Variants in PKN3 observed in about 807,000 individuals in gnomAD.
PKN3 encodes the protein serine/threonine-protein kinase N3.
Under a neutral mutation model 113.1 loss-of-function variants are expected in PKN3, and 91 were observed. The observed-to-expected ratio is 0.80, with a 90% confidence interval of 0.68 to 0.96. PKN3 has a LOEUF of 0.96. Ranked by LOEUF, PKN3 falls within the 40% of genes least tolerant of loss-of-function variation. The probability of loss-of-function intolerance (pLI) is 0.00; values close to 1 mark genes in which losing one functional copy is unlikely to be tolerated. For synonymous variants in PKN3, 467 were observed against 499.0 expected, an observed-to-expected ratio of 0.94 and a Z score of 0.85; for missense variants, 1,052 against 1,202.2, an observed-to-expected ratio of 0.88 and a Z score of 1.85.
Position 128,705,477 on chromosome 9 carries a change from C to T in PKN3, c.199C>T (p.Leu67=), listed in dbSNP as rs1290836077. ...LRSSNRRLEQ[L]HGELRELHAR... is the part of the protein sequence containing the mutation. ...GTCCTCCAACCGCCGCCTGGAGCAG[C>T]TGCATGGCGAGCTGCGGGAGCTGCA... is the stretch of plus-strand genomic sequence containing the variant. The change falls in exon 2 of 22, where the codon CTG becomes TTG. Residue 67 remains leucine (L), a synonymous_variant. Coordinates refer to ENST00000291906, the MANE Select transcript of PKN3 (RefSeq NM_013355.5). The T allele has an allele frequency of 1.9e-6, 3 of 1,566,222 alleles. No homozygotes were observed. The highest frequency in any genetic ancestry group is 2.4e-5 in the East Asian group (1 of 41,846).
Position 128,720,473 on chromosome 9 carries a change from G to A in PKN3, c.2537G>A (p.Arg846His), listed in dbSNP as rs1396634738. ...ACCCTGTGTGGCCCTGCGGACCTGCGCTACTTTGAGGGCGAGTTCACAGGG... is the reference window on the plus strand; with the variant it reads ...ACCCTGTGTGGCCCTGCGGACCTGCACTACTTTGAGGGCGAGTTCACAGGG... ...VPTLCGPADL[R>H]YFEGEFTGLP... Residue 846 changes from arginine (R) to histidine (H), a missense_variant, in exon 22 of 22, where the codon CGC becomes CAC. Coordinates refer to ENST00000291906, the MANE Select transcript of PKN3 (RefSeq NM_013355.5). The surrounding 1 kb of genome is among the most constrained non-coding windows in gnomAD (Gnocchi z 5.5). 12 of 1,612,894 alleles carry A rather than the reference G, an allele frequency of 7.4e-6. 1 individual carries two copies. Among genetic ancestry groups the A allele is most frequent in the East Asian group, 2.2e-5 (1 of 44,876 alleles).
In PKN3 at chr9:128,706,807, G is replaced by C. The variant is rs772607204; in HGVS notation, c.506G>C (p.Ser169Thr). ...ATGAAGATCAGCAGCCTGGAGGCCAGTGGGTCCCCGGAGCCAGGTGAGGCC... is the reference window on the plus strand; with the variant it reads ...ATGAAGATCAGCAGCCTGGAGGCCACTGGGTCCCCGGAGCCAGGTGAGGCC... ...LRMKISSLEA[S>T]GSPEPGPELL... Residue 169 changes from serine to threonine, a missense_variant, in exon 4 of 22, where the codon AGT becomes ACT. By Grantham distance (58) the Ser-to-Thr change is moderately conservative (BLOSUM62 1). Around this residue, in one of 2 missense-constraint regions of PKN3, gnomAD observed 719 missense variants for 759.4 expected, o/e 0.95. Coordinates refer to ENST00000291906, the MANE Select transcript of PKN3 (RefSeq NM_013355.5). 1.9e-6 allele frequency: 3 copies of C among 1,610,716 alleles called. 1 individual carries two copies. The South Asian group carries it at 3.3e-5, about 18-fold the overall frequency.
chr9:128,712,905 C>T (rs1426206002), intron 6 of PKN3, 147 bp from the exon 7 acceptor site: 2 of 782,326 alleles, frequency 2.6e-6, no homozygotes, highest in South Asian at 1.7e-5. Context: ...AGTGAGGTTC[C>T]TCAGGTAACT....
intron 9 of PKN3, 71 bp downstream of exon 9, chr9:128,713,713 G>C: frequency 6.8e-7 from 1 of 1,461,722 alleles, no homozygotes; most frequent in Non-Finnish European, 9.5e-7. Flanking sequence ...CTTCAAGACC[G>C]ATGCACTGCG....
chr9:128,718,678 C>G, intron 18 of PKN3, 53 bp downstream of exon 18: 1 of 1,516,580 alleles, frequency 6.6e-7, no homozygotes, highest in Non-Finnish European at 9.2e-7. Flanking sequence ...CCCACCCTGG[C>G]CAATAGGATG....
At chr9:128,706,413 G>A (rs899054059) in intron 3 of PKN3, among the ~76,000 whole-genome samples, 1 of 151,230 alleles carries the variant, frequency 6.6e-6, no homozygotes, top group African/African-American at 2.4e-5. Flanking sequence ...TGATGGGGGA[G>A]AGTTAGCCCC....
intron 16 of PKN3, 73 bp downstream of exon 16, chr9:128,716,996 T>A: frequency 7.7e-7 from 1 of 1,303,930 alleles, no homozygotes; most frequent in Non-Finnish European, 1.1e-6. Context: ...CTCTACATAC[T>A]GCTTTCTCCA....
At position 128,703,351 on chromosome 9, in the gene PKN3, G is replaced by A. The variant is rs796710931; in HGVS notation, c.24+412G>A. The A allele has an allele frequency of 7.1e-6, 7 of 984,894 alleles. No individual in the cohort carries two copies. In the South Asian group the frequency reaches 2.4e-4, roughly 33 times the overall value. 61.0% of individuals were successfully genotyped at this position (984,894 alleles called of 1,614,324 possible). On this transcript the variant is annotated intron_variant, in intron 1 of 21. Transcript: ENST00000291906. ...GGGGGGTTAGAATGTGCGCGCAGCG[G>A]GGGGCGCAGTCTGTGCGCGCTTGGC...
rs537996467 is a variant in PKN3 at position 128,713,108 on chromosome 9, C to T, written c.892C>T (p.Arg298Cys). ...CEQLLTAVPGRSPAAALASSP... is the reference protein window; with the variant it reads ...CEQLLTAVPGCSPAAALASSP... ...ACAGTTGCTGACAGCCGTGCCTGGGCGCTCCCCAGCGGCCGCACTGGCCAG... is the reference window on the plus strand; with the variant it reads ...ACAGTTGCTGACAGCCGTGCCTGGGTGCTCCCCAGCGGCCGCACTGGCCAG... The change falls in exon 7 of 22, where the codon CGC becomes TGC. Residue 298 changes from arginine to cysteine, a missense_variant. Transcript: ENST00000291906. 4.0e-5 allele frequency: 65 copies of T among 1,611,952 alleles called. 1 individual carries two copies. Among genetic ancestry groups the T allele is most frequent in the South Asian group, 3.8e-4 (35 of 90,962 alleles).
chr9:128,706,644 A>C (rs748519463), intron 3 of PKN3, 69 bp from the exon 4 acceptor site: 67 of 1,182,424 alleles, frequency 5.7e-5, no homozygotes, highest in Non-Finnish European at 7.5e-5. Flanking sequence ...ACCCGGCTCC[A>C]GTTCCTGGTC....
At chr9:128,718,123 C>T (rs1862399793) in intron 16 of PKN3, among the ~76,000 whole-genome samples, 1 of 152,018 alleles carries the variant, frequency 6.6e-6, no homozygotes, top group East Asian at 1.9e-4. Flanking sequence ...GAAGGGTGAG[C>T]TGGAAATGCA....
rs1238483359 is a variant in PKN3 at position 128,715,483 on chromosome 9, A to T, written c.1808+23A>T. ...GAGGTGTGTGGGGGTGCCGCAGGGCACCCAGGATGGCTGGCCTGGGCTGTG... is the reference window on the plus strand; with the variant it reads ...GAGGTGTGTGGGGGTGCCGCAGGGCTCCCAGGATGGCTGGCCTGGGCTGTG... On this transcript the variant is annotated intron_variant, in intron 15 of 21. Coordinates refer to ENST00000291906, the MANE Select transcript of PKN3 (RefSeq NM_013355.5). The surrounding 1 kb of genome is among the most constrained non-coding windows in gnomAD (Gnocchi z 4.1). The T allele has an allele frequency of 6.3e-7, 1 of 1,588,522 alleles. No homozygotes were observed. The highest frequency in any genetic ancestry group is 8.6e-7 in the Non-Finnish European group (1 of 1,157,562).
rs1862045942 is a variant in PKN3 at position 128,707,209 on chromosome 9, G to T, written c.652-13G>T. 1 of 1,597,108 alleles carries T rather than the reference G, an allele frequency of 6.3e-7. No individual in the cohort carries two copies. Among genetic ancestry groups the T allele is most frequent in the East Asian group, 2.2e-5 (1 of 44,482 alleles). ...TACCCCACGAACCTGGCTCTACGTT[G>T]TCCCCTCTGCAGGCCCAGGCCCAGC... On this transcript the variant is annotated splice_polypyrimidine_tract_variant and intron_variant, in intron 5 of 21. Transcript: ENST00000291906.
chr9:128,714,908 C>T (rs1315379260), intron 13 of PKN3, 43 bp downstream of exon 13: 8 of 1,560,508 alleles, frequency 5.1e-6, no homozygotes, highest in African/African-American at 1.4e-5. Context: ...CGTTCGTCTG[C>T]TTGCTTGAAC....
rs1469152144 is a variant in PKN3, at chr9:128,711,144, TAC to T, written c.836-1906_836-1905del. 2.0e-5 allele frequency among the ~76,000 whole-genome samples: 3 copies of T among 151,928 alleles called. No homozygotes were observed. In the East Asian group the frequency reaches 5.8e-4, roughly 29 times the overall value. Reference sequence around the variant, plus strand: ...CCTCAGCCTCTTGAATAGCTGGGATTACAGGCATGTACCACCACACCTGGCGA... The same window carrying T: ...CCTCAGCCTCTTGAATAGCTGGGATTAGGCATGTACCACCACACCTGGCGA... On this transcript the variant is annotated intron_variant, in intron 6 of 21. Coordinates refer to ENST00000291906, the MANE Select transcript of PKN3 (RefSeq NM_013355.5).
chr9:128,719,856 C>T, intron 19 of PKN3, 28 bp downstream of exon 19: 1 of 1,236,670 alleles, frequency 8.1e-7, no homozygotes, highest in Non-Finnish European at 1.2e-6. Flanking sequence ...TTTCCTGGGC[C>T]TCTGGGTGGG....
chr9:128,717,777 TG>T (rs556171858), intron 16 of PKN3, among the ~76,000 whole-genome samples: 4 of 147,390 alleles, frequency 2.7e-5, no homozygotes, highest in Non-Finnish European at 4.5e-5. Flanking sequence ...CCCCACACTT[TG>T]GGAGGCTGAG....
chr9:128,707,466 C>A, intron 6 of PKN3, 61 bp downstream of exon 6: 1 of 1,400,204 alleles, frequency 7.1e-7, no homozygotes, highest in Non-Finnish European at 9.8e-7. Context: ...GCCGGAAGCA[C>A]AAACAACTCT....
intron 18 of PKN3, 110 bp downstream of exon 18, chr9:128,718,735 CTGGT>C (rs1862420000): frequency 1.0e-6 from 1 of 987,352 alleles, no homozygotes; most frequent in South Asian, 1.3e-5. Flanking sequence ...TGCGGATGCC[CTGGT>C]TCCACCACCC....
Sources: gnomAD v4.1 joint callset for allele counts (sites outside exome capture counted in the v4.1 genomes callset) on GRCh38, gnomAD v4.1.1 for gene constraint, gnomAD v4.1.1 regional missense constraint, Gnocchi (gnomAD v3.1) non-coding constraint, MANE v1.5 for transcripts, NCBI Gene and HGNC (gene_info 2026-07-23, HGNC 2026-07-21) for gene names.